Variants in RGS6 observed in about 807,000 individuals in gnomAD.
RGS6 encodes regulator of G protein signaling 6.
A neutral mutation model predicts 78.5 loss-of-function variants in RGS6; 30 were observed. The ratio of observed to expected loss-of-function variants is 0.38; its 90% CI spans 0.29 to 0.52. The LOEUF (loss-of-function observed/expected upper bound fraction) is 0.52, where lower values mean the gene tolerates loss of function less well. Ranked by LOEUF, RGS6 falls within the 20% of genes least tolerant of loss-of-function variation. RGS6 has a pLI of 0.85. For synonymous variants in RGS6, 206 were observed against 206.0 expected, an observed-to-expected ratio of 1.00 and a Z score of 0.00; for missense variants, 495 against 609.7, an observed-to-expected ratio of 0.81 and a Z score of 1.98.
chr14:72,510,975 C>T (rs527685826), intron 14 of RGS6, among the ~76,000 whole-genome samples: 1 of 151,998 alleles, frequency 6.6e-6, no homozygotes, highest in African/African-American at 2.4e-5. Context: ...AACCTCAGGT[C>T]CAATATGAGA....
intron 2 of RGS6, among the ~76,000 whole-genome samples, chr14:72,334,459 A>AC (rs1473400855): frequency 6.6e-6 from 1 of 151,442 alleles, no homozygotes; most frequent in East Asian, 1.9e-4. Context: ...TCATTTCTTC[A>AC]CCCCTCCCCC....
At chr14:72,532,446 A>G (rs1208554559) in intron 15 of RGS6, among the ~76,000 whole-genome samples, 4 of 152,226 alleles carry the variant, frequency 2.6e-5, no homozygotes, top group Non-Finnish European at 5.9e-5. Flanking sequence ...GGGCCAATTA[A>G]TAACTCTGCA....
intron 2 of RGS6, among the ~76,000 whole-genome samples, chr14:72,278,691 G>C (rs1451196630): frequency 6.6e-6 from 1 of 152,188 alleles, no homozygotes; most frequent in Non-Finnish European, 1.5e-5. Flanking sequence ...GAGCTGGTCT[G>C]CCATCTTCAT....
At position 72,292,308 on chromosome 14, in the gene RGS6, G is replaced by A. The variant is rs1470427619; in HGVS notation, c.85-59787G>A. 2.0e-5 allele frequency among the ~76,000 whole-genome samples: 3 copies of A among 152,174 alleles called. 1 individual carries two copies. Among genetic ancestry groups the A allele is most frequent in the Non-Finnish European group, 4.4e-5 (3 of 68,036 alleles). ...ACAGTGGCTGGAACCTGTATCTGGT[G>A]TATCACAACGCTCCATTTCGCTGAT... On this transcript the variant is annotated intron_variant, in intron 2 of 17. Transcript: ENST00000553525.
intron 2 of RGS6, among the ~76,000 whole-genome samples, chr14:72,032,089 A>G (rs1180202965): frequency 6.6e-6 from 1 of 152,150 alleles, no homozygotes; most frequent in East Asian, 1.9e-4. Flanking sequence ...TTTTCTACCA[A>G]CACGCTATAA....
At chr14:72,091,765 C>T (rs2095275997) in intron 2 of RGS6, among the ~76,000 whole-genome samples, 2 of 152,158 alleles carry the variant, frequency 1.3e-5, no homozygotes, top group Admixed American at 1.3e-4. Context: ...CTCCTGTCCT[C>T]AGATGTACTC....
chr14:72,053,582 G>T (rs1399676391), intron 2 of RGS6, among the ~76,000 whole-genome samples: 2 of 152,146 alleles, frequency 1.3e-5, no homozygotes, highest in Non-Finnish European at 2.9e-5. Context: ...ATGTCCTGGG[G>T]GCTTGGGGGC....
intron 3 of RGS6, among the ~76,000 whole-genome samples, chr14:72,438,840 A>C (rs546145914): frequency 2.6e-5 from 4 of 152,158 alleles, no homozygotes; most frequent in Admixed American, 2.6e-4. Context: ...AGGACTTTCT[A>C]TTTCTTTTAA....
chr14:72,260,394 A>G (rs187448363), intron 2 of RGS6, among the ~76,000 whole-genome samples: 148 of 152,362 alleles, frequency 9.7e-4, no homozygotes, highest in Non-Finnish European at 1.5e-4. Flanking sequence ...ATTATCTAAT[A>G]TTCTAAAACA....
At chr14:71,883,277 A>C in the RGS6 span, among the ~76,000 whole-genome samples, 2 of 152,180 alleles carry the variant, frequency 1.3e-5, no homozygotes, top group African/African-American at 4.8e-5. Context: ...AGCATCTCTC[A>C]GACTCTGGAC....
At chr14:72,450,053 A>G (rs1045600776) in intron 3 of RGS6, among the ~76,000 whole-genome samples, 2 of 152,230 alleles carry the variant, frequency 1.3e-5, no homozygotes, top group Admixed American at 6.5e-5. Flanking sequence ...TTCAAATAAT[A>G]CAGAAATGTA....
chr14:72,435,395 T>G (rs867057417), intron 3 of RGS6, among the ~76,000 whole-genome samples: 1 of 152,134 alleles, frequency 6.6e-6, no homozygotes, highest in East Asian at 1.9e-4. Flanking sequence ...GCTGAGCACC[T>G]TGTTGCCCAG....
intron 6 of RGS6, among the ~76,000 whole-genome samples, chr14:72,462,628 A>G (rs938388172): frequency 6.6e-6 from 1 of 152,206 alleles, no homozygotes; most frequent in Non-Finnish European, 1.5e-5. Context: ...CTAAAACGGT[A>G]CTTGGCCCAT....
intron 3 of RGS6, among the ~76,000 whole-genome samples, chr14:72,375,499 G>A (rs1462214792): frequency 6.6e-6 from 1 of 152,062 alleles, no homozygotes; most frequent in Non-Finnish European, 1.5e-5. Context: ...CCATGTCCTG[G>A]GCCTGAGAAA....
intron 3 of RGS6, among the ~76,000 whole-genome samples, chr14:72,359,346 T>G (rs1192467837): frequency 6.6e-6 from 1 of 150,378 alleles, no homozygotes; most frequent in Non-Finnish European, 1.5e-5. Context: ...GCTATTAATT[T>G]CAATGAGGAA....
upstream of RGS6, among the ~76,000 whole-genome samples, chr14:71,930,740 T>C (rs56274625): frequency 0.25 from 37,671 of 151,532 alleles, 5,470 homozygotes; most frequent in African/African-American, 0.39. Context: ...CCCAGCACTT[T>C]GGGTGGCCAA....
chr14:72,540,235 C>T (rs751885647), intron 17 of RGS6, 141 bp downstream of exon 17: 14 of 1,542,486 alleles, frequency 9.1e-6, no homozygotes, highest in Non-Finnish European at 1.2e-5. Flanking sequence ...CGACTCAGCC[C>T]TTTTCTTTTG....
chr14:72,348,413 G>GT (rs768325171), intron 2 of RGS6, among the ~76,000 whole-genome samples: 6 of 152,174 alleles, frequency 3.9e-5, no homozygotes, highest in Non-Finnish European at 7.3e-5. Context: ...ACTTAGGGCA[G>GT]TATTGATCAT....
At chr14:72,317,329 A>C (rs1209156310) in intron 2 of RGS6, among the ~76,000 whole-genome samples, 1 of 152,140 alleles carries the variant, frequency 6.6e-6, no homozygotes, top group Non-Finnish European at 1.5e-5. Context: ...ACTGAGGTTA[A>C]AGTGTTCTAA....
Sources: allele counts gnomAD v4.1 joint callset (sites outside exome capture counted in the v4.1 genomes callset), GRCh38; gene constraint gnomAD v4.1.1; transcripts MANE v1.5; gene names NCBI Gene and HGNC (gene_info 2026-07-23, HGNC 2026-07-21).